The following PTPRZ1 variants were observed in gnomAD, a reference collection of about 807,000 sequenced individuals.
PTPRZ1 encodes the protein receptor-type tyrosine-protein phosphatase zeta.
PTPRZ1 carries 82 observed loss-of-function variants against 214.1 expected under a neutral mutation model. That is an observed-to-expected ratio of 0.38 (90% CI 0.32 to 0.46). PTPRZ1 has a LOEUF of 0.46. Ranked by LOEUF, PTPRZ1 falls within the 20% of genes least tolerant of loss-of-function variation. The pLI is 1.00. For synonymous variants in PTPRZ1, 945 were observed against 987.9 expected (o/e 0.96, Z 0.81); for missense variants, 2,603 against 2,748.7 (o/e 0.95, Z 1.19).
Position 122,051,491 on chromosome 7 carries a change from G to A in PTPRZ1, c.6148G>A (p.Glu2050Lys). The A allele has an allele frequency of 6.2e-7, 1 of 1,613,566 alleles. No homozygotes were observed. Among genetic ancestry groups the A allele is most frequent in the African/African-American group, 1.3e-5 (1 of 74,978 alleles). Residue 2050 changes from glutamate (E) to lysine (K), a missense_variant, in exon 24 of 30, where the codon GAA (glutamate) becomes AAA (lysine). Coordinates refer to ENST00000393386, the MANE Select transcript of PTPRZ1 (RefSeq NM_002851.3). ...YSAALKQCNR[E>K]KNRTSSIIPV... is the part of the protein sequence containing the mutation. ...TGCAGCCCTAAAGCAATGCAACAGG[G>A]AAAAGAATCGAACTTCTTCTATCAT...
intron 17 of PTPRZ1, 102 bp downstream of exon 17, chr7:122,034,480 G>A: frequency 1.1e-6 from 1 of 943,622 alleles, no homozygotes; most frequent in Non-Finnish European, 1.6e-6. Context: ...TAGTGTGGCT[G>A]TTTGGGGCCT....
chr7:122,004,776 T>C, intron 11 of PTPRZ1, 116 bp downstream of exon 11: 1 of 587,496 alleles, frequency 1.7e-6, no homozygotes, highest in South Asian at 2.1e-5. Flanking sequence ...ATTCACTGTT[T>C]GTGGGGTTAG....
chr7:121,989,820 TA>T (rs1180872099), intron 8 of PTPRZ1, among the ~76,000 whole-genome samples: 1 of 152,192 alleles, frequency 6.6e-6, no homozygotes, highest in Non-Finnish European at 1.5e-5. Context: ...GTAGAAAATA[TA>T]GATAAGCACA....
At chr7:122,051,054 A>T (rs1463927638) in intron 23 of PTPRZ1, among the ~76,000 whole-genome samples, 4 of 152,176 alleles carry the variant, frequency 2.6e-5, no homozygotes, top group African/African-American at 9.7e-5. Context: ...AATAAAATTG[A>T]ATTATATACA....
At chr7:122,040,728 C>CTG (rs1562877561) in intron 20 of PTPRZ1, 88 bp from the exon 21 acceptor site, 3 of 755,340 alleles carry the variant, frequency 4.0e-6, no homozygotes, top group Non-Finnish European at 1.8e-6. Flanking sequence ...TGTTGAAGAA[C>CTG]CGTGTGTGTG....
chr7:121,937,048 C>T (rs1422197684), intron 2 of PTPRZ1, among the ~76,000 whole-genome samples: 2 of 152,246 alleles, frequency 1.3e-5, no homozygotes, highest in Middle Eastern at 3.4e-3. Flanking sequence ...CGTCTGTGGC[C>T]CTTACTACAC....
chr7:121,949,332 C>A (rs1346542165), intron 2 of PTPRZ1, among the ~76,000 whole-genome samples: 1 of 152,082 alleles, frequency 6.6e-6, no homozygotes, highest in Non-Finnish European at 1.5e-5. Context: ...TTGACTTTTC[C>A]CTTTAGTTTA....
chr7:121,958,920 T>A (rs1169522888), intron 2 of PTPRZ1, among the ~76,000 whole-genome samples: 1 of 152,064 alleles, frequency 6.6e-6, no homozygotes, highest in African/African-American at 2.4e-5. Context: ...GCCTCCCAGG[T>A]TCAAGCCATT....
At chr7:121,973,963 A>AG (rs1797347201) in intron 4 of PTPRZ1, among the ~76,000 whole-genome samples, 1 of 149,258 alleles carries the variant, frequency 6.7e-6, no homozygotes, top group East Asian at 2.0e-4. Context: ...AAAAAAAAAA[A>AG]GCAATTGATG....
At chr7:121,997,783 A>G in intron 9 of PTPRZ1, 97 bp from the exon 10 acceptor site, 1 of 1,001,942 alleles carries the variant, frequency 1.0e-6, no homozygotes, top group Non-Finnish European at 1.4e-6. Flanking sequence ...AGTATTTTCC[A>G]CGGACCAGGG....
intron 1 of PTPRZ1, among the ~76,000 whole-genome samples, chr7:121,877,294 C>T (rs2116140432): frequency 6.6e-6 from 1 of 152,258 alleles, no homozygotes; most frequent in Non-Finnish European, 1.5e-5. Context: ...CAATCCAGAG[C>T]CTGAGGCTTT....
intron 23 of PTPRZ1, among the ~76,000 whole-genome samples, chr7:122,049,204 A>C (rs1792096448): frequency 6.6e-6 from 1 of 152,128 alleles, no homozygotes; most frequent in Admixed American, 6.5e-5. Flanking sequence ...GCCTTCTAGA[A>C]AGTATCTGTC....
At chr7:121,882,908 G>A (rs977293358) in intron 1 of PTPRZ1, among the ~76,000 whole-genome samples, 2 of 152,162 alleles carry the variant, frequency 1.3e-5, no homozygotes, top group Non-Finnish European at 2.9e-5. Context: ...GTAGGACATT[G>A]TGCCATTCTC....
intron 2 of PTPRZ1, among the ~76,000 whole-genome samples, chr7:121,960,575 C>T (rs1416505524): frequency 6.6e-6 from 1 of 152,058 alleles, no homozygotes; most frequent in Non-Finnish European, 1.5e-5. Context: ...GAATAACTTA[C>T]AAACAATTAT....
At chr7:122,046,818 A>C (rs73440958) in intron 23 of PTPRZ1, among the ~76,000 whole-genome samples, 3,896 of 152,296 alleles carry the variant, frequency 0.026, 61 homozygotes, top group African/African-American at 0.044. Context: ...GTTCTGAAGC[A>C]TAAGAGAGGT....
intron 1 of PTPRZ1, among the ~76,000 whole-genome samples, chr7:121,893,698 A>T (rs1794705529): frequency 6.6e-6 from 1 of 152,202 alleles, no homozygotes; most frequent in Admixed American, 6.5e-5. Flanking sequence ...CTGTCAAACT[A>T]GTATTTCATT....
chr7:122,001,161 G>A (rs1056029170), intron 10 of PTPRZ1, among the ~76,000 whole-genome samples: 1 of 151,976 alleles, frequency 6.6e-6, no homozygotes, highest in African/African-American at 2.4e-5. Context: ...TGCTCATTAA[G>A]TATTATTTCA....
chr7:121,996,037 A>G (rs561722591), intron 8 of PTPRZ1, among the ~76,000 whole-genome samples: 1 of 152,310 alleles, frequency 6.6e-6, no homozygotes, highest in East Asian at 1.9e-4. Flanking sequence ...TTCAGGAAAA[A>G]TACAATACGA....
At chr7:121,933,090 A>G (rs572969412) in intron 2 of PTPRZ1, among the ~76,000 whole-genome samples, 1 of 151,548 alleles carries the variant, frequency 6.6e-6, no homozygotes, top group South Asian at 2.1e-4. Flanking sequence ...TCAGAAAATA[A>G]ATGTCACTCT....
Sources: allele counts gnomAD v4.1 joint callset (sites outside exome capture counted in the v4.1 genomes callset), GRCh38; gene constraint gnomAD v4.1.1; transcripts MANE v1.5; gene names NCBI Gene and HGNC (gene_info 2026-07-23, HGNC 2026-07-21).